The following FAM168A variants were observed in gnomAD, a reference collection of about 807,000 sequenced individuals.
FAM168A encodes the protein family with sequence similarity 168 member A.
In FAM168A, 3 loss-of-function variants were observed where a neutral mutation model predicts 28.5. That is an observed-to-expected ratio of 0.11 (90% confidence interval 0.05 to 0.27). FAM168A has a LOEUF of 0.27. Ranked by LOEUF, FAM168A falls within the 10% of genes least tolerant of loss-of-function variation. The probability of loss-of-function intolerance (pLI) is 1.00; values close to 1 mark genes in which losing one functional copy is unlikely to be tolerated. For missense variants in FAM168A, 222 were observed against 311.5 expected, an observed-to-expected ratio of 0.71 and a Z score of 2.16; for synonymous variants, 122 against 124.2, an observed-to-expected ratio of 0.98 and a Z score of 0.12.
intron 1 of FAM168A, among the ~76,000 whole-genome samples, chr11:73,501,349 A>G (rs1355682816): frequency 6.6e-6 from 1 of 152,222 alleles, no homozygotes; most frequent in African/African-American, 2.4e-5. Flanking sequence ...TGGACCTGGT[A>G]GACGTCTACA....
chr11:73,533,545 A>G (rs1943541302), intron 1 of FAM168A, among the ~76,000 whole-genome samples: 1 of 146,100 alleles, frequency 6.8e-6, no homozygotes, highest in South Asian at 2.1e-4. Flanking sequence ...GTTGTGTTTC[A>G]CCAACAGCAA....
intron 6 of FAM168A, 127 bp from the exon 7 acceptor site, chr11:73,407,770 T>G: frequency 1.4e-6 from 1 of 737,446 alleles, no homozygotes; most frequent in Non-Finnish European, 2.2e-6. Flanking sequence ...CTCGCCTTCC[T>G]GATGACCTGT....
chr11:73,470,226 A>G (rs999349663), intron 1 of FAM168A, among the ~76,000 whole-genome samples: 1 of 152,198 alleles, frequency 6.6e-6, no homozygotes, highest in East Asian at 1.9e-4. Context: ...AGATGTTAAA[A>G]TAAGTTGCAA....
intron 1 of FAM168A, among the ~76,000 whole-genome samples, chr11:73,492,076 T>G (rs1868135519): frequency 6.6e-6 from 1 of 152,308 alleles, no homozygotes. Flanking sequence ...GGTATTAGCA[T>G]CTACTTTACA....
At chr11:73,479,184 G>A (rs1385677832) in intron 1 of FAM168A, among the ~76,000 whole-genome samples, 4 of 152,150 alleles carry the variant, frequency 2.6e-5, no homozygotes, top group South Asian at 4.1e-4. Context: ...GTGACCTTGA[G>A]AATGGAGGTC....
chr11:73,404,209 T>A lies in FAM168A; in HGVS notation c.*2554A>T, dbSNP rs897454848. The A allele has an allele frequency of 1.3e-5, 2 of 152,268 alleles. No individual in the cohort carries two copies. Among genetic ancestry groups the A allele is most frequent in the Non-Finnish European group, 2.9e-5 (2 of 68,054 alleles). 9.4% of individuals were successfully genotyped at this position (152,268 alleles called of 1,614,324 possible). ...TCATTCCTAGGTCTCCTCTTCTTCC[T>A]TTCTCCTCTCTGTGGTTCCACCCCA... is the stretch of plus-strand genomic sequence containing the variant. On this transcript the variant is annotated 3_prime_UTR_variant, in exon 8 of 8. Transcript: ENST00000356467.
chr11:73,597,707 T>C, intron 1 of FAM168A, among the ~76,000 whole-genome samples: 1 of 145,588 alleles, frequency 6.9e-6, no homozygotes. Context: ...TCCTCCTCCC[T>C]TGTCGCCCGC....
At chr11:73,592,767 T>G (rs1454501797) in intron 1 of FAM168A, among the ~76,000 whole-genome samples, 2 of 151,988 alleles carry the variant, frequency 1.3e-5, no homozygotes, top group Non-Finnish European at 2.9e-5. Flanking sequence ...CAAAAAGCAT[T>G]TGCCAGCCAG....
intron 2 of FAM168A, among the ~76,000 whole-genome samples, chr11:73,463,270 A>G (rs1867681215): frequency 6.6e-6 from 1 of 152,176 alleles, no homozygotes; most frequent in Non-Finnish European, 1.5e-5. Flanking sequence ...CCCAGCCAAG[A>G]TAGTACATGT....
At chr11:73,484,311 G>C (rs1456517660) in intron 1 of FAM168A, among the ~76,000 whole-genome samples, 1 of 151,978 alleles carries the variant, frequency 6.6e-6, no homozygotes, top group East Asian at 1.9e-4. Flanking sequence ...ACTCTCCTCT[G>C]AGCTTTCATA....
At chr11:73,590,153 G>A (rs1565310991) in intron 1 of FAM168A, among the ~76,000 whole-genome samples, 2 of 151,946 alleles carry the variant, frequency 1.3e-5, no homozygotes, top group Admixed American at 6.6e-5. Flanking sequence ...TGTAATCCCA[G>A]TACTTTGGGA....
At chr11:73,537,910 G>C (rs900700584) in intron 1 of FAM168A, among the ~76,000 whole-genome samples, 2 of 152,102 alleles carry the variant, frequency 1.3e-5, no homozygotes, top group Non-Finnish European at 2.9e-5. Context: ...ATAAATGTCT[G>C]ACTTCCCCAT....
chr11:73,531,715 A>G (rs1279197404), intron 1 of FAM168A, among the ~76,000 whole-genome samples: 2 of 151,940 alleles, frequency 1.3e-5, no homozygotes, highest in Non-Finnish European at 2.9e-5. Flanking sequence ...GTGATTTTGC[A>G]TATACTGTTT....
At chr11:73,458,244 C>T (rs1386316366) in intron 2 of FAM168A, among the ~76,000 whole-genome samples, 1 of 152,124 alleles carries the variant, frequency 6.6e-6, no homozygotes, top group Non-Finnish European at 1.5e-5. Flanking sequence ...AATAACCCAA[C>T]AACAGCAATA....
chr11:73,408,735 C>T (rs1425212974), intron 6 of FAM168A, among the ~76,000 whole-genome samples: 2 of 149,156 alleles, frequency 1.3e-5, no homozygotes, highest in South Asian at 2.1e-4. Context: ...AGGCCAAGAT[C>T]GTGCCACTGC....
chr11:73,509,229 G>A (rs879561410), intron 1 of FAM168A, among the ~76,000 whole-genome samples: 10 of 152,206 alleles, frequency 6.6e-5, no homozygotes, highest in Non-Finnish European at 1.5e-4. Flanking sequence ...TCAAGGAGCA[G>A]AGCTGGATCA....
intron 2 of FAM168A, among the ~76,000 whole-genome samples, chr11:73,443,149 T>A (rs1036614472): frequency 2.0e-5 from 3 of 151,688 alleles, no homozygotes; most frequent in African/African-American, 7.3e-5. Context: ...TTCTTAGCCC[T>A]TTCCCAGTGC....
At chr11:73,580,026 C>A (rs780969878) in intron 1 of FAM168A, among the ~76,000 whole-genome samples, 2 of 152,212 alleles carry the variant, frequency 1.3e-5, no homozygotes, top group Non-Finnish European at 2.9e-5. Flanking sequence ...GTTAGCACTT[C>A]ATAAATGATG....
At chr11:73,578,281 G>C (rs971894871) in intron 1 of FAM168A, among the ~76,000 whole-genome samples, 1 of 152,132 alleles carries the variant, frequency 6.6e-6, no homozygotes, top group Non-Finnish European at 1.5e-5. Context: ...GCTTAAATGG[G>C]GGGGATATGA....
Sources: allele counts gnomAD v4.1 joint callset (sites outside exome capture counted in the v4.1 genomes callset), GRCh38; gene constraint gnomAD v4.1.1; transcripts MANE v1.5; gene names NCBI Gene and HGNC (gene_info 2026-07-23, HGNC 2026-07-21).